Variants in MATCAP1 observed in about 807,000 individuals in gnomAD.
MATCAP1 encodes the protein microtubule-associated tyrosine carboxypeptidase 1.
At chr16:67,178,238 C>A in the MATCAP1 span, 1 of 1,552,688 alleles carries the variant, frequency 6.4e-7, no homozygotes, top group Non-Finnish European at 8.7e-7. Context: ...TTGGCGCGCA[C>A]GCAGTACTCC....
At chr16:67,180,538 G>A in the MATCAP1 span, 35 of 1,545,096 alleles carry the variant, frequency 2.3e-5, no homozygotes, top group South Asian at 1.5e-4. Flanking sequence ...AGCCTATGGC[G>A]CAGGGATGGG....
the MATCAP1 span, chr16:67,181,667 T>G: frequency 1.3e-5 from 2 of 152,220 alleles, no homozygotes; most frequent in African/African-American, 4.8e-5. Flanking sequence ...ACTCTTTCCA[T>G]CAGGATAAAC....
chr16:67,178,242 G>C, the MATCAP1 span: 1 of 1,558,356 alleles, frequency 6.4e-7, no homozygotes, highest in Non-Finnish European at 8.7e-7. Flanking sequence ...CGCGCACGCA[G>C]TACTCCCAGC....
At chr16:67,182,190 G>A in the MATCAP1 span, among the ~76,000 whole-genome samples, 10 of 151,566 alleles carry the variant, frequency 6.6e-5, no homozygotes, top group East Asian at 1.9e-4. Flanking sequence ...CGGAGTTTGC[G>A]GTGAGCCAAG....
the MATCAP1 span, chr16:67,178,266 C>T: frequency 5.1e-6 from 8 of 1,568,580 alleles, no homozygotes; most frequent in African/African-American, 4.1e-5. Flanking sequence ...CATCGGCGTC[C>T]TGCACGTAGC....
the MATCAP1 span, among the ~76,000 whole-genome samples, chr16:67,177,458 C>G: frequency 6.6e-6 from 1 of 152,184 alleles, no homozygotes; most frequent in Non-Finnish European, 1.5e-5. Flanking sequence ...CAGCTTGTCC[C>G]TTCATCTCCA....
the MATCAP1 span, chr16:67,183,733 GA>G: frequency 6.4e-6 from 1 of 156,022 alleles, no homozygotes; most frequent in Non-Finnish European, 1.4e-5. Context: ...AGTGGTGGGG[GA>G]TAAGGTGAAG....
At chr16:67,180,434 G>A in the MATCAP1 span, 1 of 1,611,562 alleles carries the variant, frequency 6.2e-7, no homozygotes, top group African/African-American at 1.3e-5. Context: ...GCTCAGGCTG[G>A]GGCTGCAGCG....
the MATCAP1 span, chr16:67,178,406 C>T: frequency 6.5e-7 from 1 of 1,545,722 alleles, no homozygotes; most frequent in Non-Finnish European, 8.7e-7. Context: ...GCCAGGCCCT[C>T]CTCCGTGGGG....
the MATCAP1 span, chr16:67,178,585 T>G: frequency 7.9e-7 from 1 of 1,271,160 alleles, no homozygotes; most frequent in Non-Finnish European, 1.1e-6. Flanking sequence ...CCCTGTTCCA[T>G]CTGGCCGGGG....
chr16:67,179,196 A>T, the MATCAP1 span: 1 of 1,353,208 alleles, frequency 7.4e-7, no homozygotes. The surrounding 1 kb of genome is among the most constrained non-coding windows in gnomAD (Gnocchi z 5.2). Context: ...AGAGAGAAAA[A>T]TATACCCGAA....
At chr16:67,177,891 C>T in the MATCAP1 span, 1 of 827,424 alleles carries the variant, frequency 1.2e-6, no homozygotes, top group Non-Finnish European at 2.0e-6. Flanking sequence ...CACCCACGCT[C>T]CCCCCTACCA....
At chr16:67,177,948 C>G in the MATCAP1 span, 33 of 1,464,094 alleles carry the variant, frequency 2.3e-5, no homozygotes, top group Non-Finnish European at 2.9e-5. Context: ...ATCCGAGGCT[C>G]AGGGAATTCT....
chr16:67,179,676 C>A, the MATCAP1 span: 3 of 1,474,398 alleles, frequency 2.0e-6, no homozygotes, highest in East Asian at 4.6e-5. This position sits in a 1 kb window ranked among gnomAD's most constrained non-coding sequence, Gnocchi z 5.2. Context: ...ACCCACCCTT[C>A]ATCACCTCTG....
chr16:67,179,359 T>C, the MATCAP1 span: 1 of 1,531,224 alleles, frequency 6.5e-7, no homozygotes, highest in African/African-American at 1.4e-5. The surrounding 1 kb of genome is among the most constrained non-coding windows in gnomAD (Gnocchi z 5.2). Context: ...TTGGGGCCCC[T>C]CCTTCCCACC....
chr16:67,179,403 C>T, the MATCAP1 span: 4 of 1,585,778 alleles, frequency 2.5e-6, no homozygotes, highest in Non-Finnish European at 3.4e-6. The surrounding 1 kb of genome is among the most constrained non-coding windows in gnomAD (Gnocchi z 5.2). Flanking sequence ...CATGCCTACC[C>T]ATCTGCCCGG....
the MATCAP1 span, chr16:67,179,639 C>G: frequency 6.0e-5 from 90 of 1,494,372 alleles, no homozygotes; most frequent in East Asian, 2.0e-3. The surrounding 1 kb of genome is among the most constrained non-coding windows in gnomAD (Gnocchi z 5.2). Context: ...TGCCACAGGG[C>G]AGCGAGGCCA....
At chr16:67,179,339 A>C in the MATCAP1 span, 1 of 1,516,588 alleles carries the variant, frequency 6.6e-7, no homozygotes, top group Non-Finnish European at 8.8e-7. This position sits in a 1 kb window ranked among gnomAD's most constrained non-coding sequence, Gnocchi z 5.2. Flanking sequence ...AGAAACAAAA[A>C]GGGGAGTTAT....
the MATCAP1 span, chr16:67,178,414 G>A: frequency 6.5e-7 from 1 of 1,542,472 alleles, no homozygotes; most frequent in Non-Finnish European, 8.7e-7. Flanking sequence ...CTCCTCCGTG[G>A]GGTTCGCCGG....
Sources: gnomAD v4.1 joint callset for allele counts (sites outside exome capture counted in the v4.1 genomes callset) on GRCh38, gnomAD v4.1.1 for gene constraint, Gnocchi (gnomAD v3.1) non-coding constraint, MANE v1.5 for transcripts, NCBI Gene and HGNC (gene_info 2026-07-23, HGNC 2026-07-21) for gene names.